The following KIN variants were observed in gnomAD, a reference collection of about 807,000 sequenced individuals.
The protein encoded by KIN is DNA/RNA-binding protein KIN17.
Under a neutral mutation model 63.0 loss-of-function variants are expected in KIN, and 47 were observed. The ratio of observed to expected loss-of-function variants is 0.75; its 90% CI spans 0.59 to 0.95. The LOEUF is 0.95. KIN is among the 40% of genes least tolerant of loss of function. The pLI is 0.00. For synonymous variants in KIN, 160 were observed against 157.7 expected, an observed-to-expected ratio of 1.01 and a Z score of -0.11; for missense variants, 408 against 460.9, an observed-to-expected ratio of 0.89 and a Z score of 1.05.
At chr10:7,784,066 G>A (rs1835950072) in intron 1 of KIN, among the ~76,000 whole-genome samples, 1 of 152,040 alleles carries the variant, frequency 6.6e-6, no homozygotes, top group African/African-American at 2.4e-5. Flanking sequence ...ATTTTTAAAA[G>A]AAACTTGGTA....
chr10:7,776,815 C>T (rs11255357), intron 5 of KIN, among the ~76,000 whole-genome samples: 7,405 of 149,718 alleles, frequency 0.049, 626 homozygotes, highest in African/African-American at 0.17. Context: ...TTTGGGAGGT[C>T]GAGCTCAGGC....
intron 7 of KIN, among the ~76,000 whole-genome samples, chr10:7,771,072 A>G (rs185875072): frequency 7.7e-4 from 117 of 152,308 alleles, no homozygotes; most frequent in Non-Finnish European, 1.9e-4. Flanking sequence ...CTCTGGTTCT[A>G]TTACTGAATG....
At chr10:7,757,226 G>A (rs190131310) in intron 12 of KIN, among the ~76,000 whole-genome samples, 25 of 152,122 alleles carry the variant, frequency 1.6e-4, no homozygotes, top group Non-Finnish European at 2.8e-4. Flanking sequence ...TGGGTCGGGC[G>A]CAGTGCTCAC....
chr10:7,762,496 G>C lies in KIN; in HGVS notation c.979C>G (p.Leu327Val). 1 of 1,612,248 alleles carries C rather than the reference G, an allele frequency of 6.2e-7. No individual in the cohort carries two copies. The highest frequency in any genetic ancestry group is 8.5e-7 in the Non-Finnish European group (1 of 1,178,820). The change falls in exon 11 of 13, where the codon CTT becomes GTT. Residue 327 changes from leucine (L) to valine (V), a missense_variant. Coordinates refer to ENST00000379562, the MANE Select transcript of KIN (RefSeq NM_012311.4). ...KMIDSGDKLK[L>V]DQTHLETVIP... ...ACTGTCTCTAAATGAGTCTGGTCAA[G>C]TTTCAGCTTGTCTCCAGAATCAATC...
At chr10:7,777,150 C>A (rs1275746357) in intron 5 of KIN, among the ~76,000 whole-genome samples, 1 of 151,380 alleles carries the variant, frequency 6.6e-6, no homozygotes, top group Non-Finnish European at 1.5e-5. Context: ...CTTTTCTATG[C>A]CAAACTGCAG....
At position 7,783,107 on chromosome 10, in the gene KIN, A is replaced by C; in HGVS notation, c.183T>G (p.Pro61=). The C allele has an allele frequency of 6.2e-7, 1 of 1,602,098 alleles. No individual in the cohort carries two copies. Among genetic ancestry groups the C allele is most frequent in the South Asian group, 1.1e-5 (1 of 89,288 alleles). ...QRQLLLASEN[P]QQFMDYFSEE... Reference sequence around the variant, plus strand: ...CTGAAAAATAATCCATAAACTGCTGAGGATTTTCTGAAGCCAGCAATAGTT... The same window carrying C: ...CTGAAAAATAATCCATAAACTGCTGCGGATTTTCTGAAGCCAGCAATAGTT... The change falls in exon 2 of 13, where the codon CCT becomes CCG. Residue 61 remains proline, a synonymous_variant. Transcript: ENST00000379562.
chr10:7,772,729 G>T (rs1453340818), intron 7 of KIN, among the ~76,000 whole-genome samples: 2 of 152,066 alleles, frequency 1.3e-5, no homozygotes, highest in Non-Finnish European at 2.9e-5. Flanking sequence ...ATGGACTCGG[G>T]TCACAACATA....
intron 8 of KIN, 132 bp downstream of exon 8, chr10:7,769,084 G>A (rs948626258): frequency 2.7e-6 from 2 of 739,954 alleles, no homozygotes; most frequent in Non-Finnish European, 4.3e-6. Flanking sequence ...TCGGGGAACT[G>A]TATGTAGCTA....
chr10:7,781,406 G>A (rs534379460), intron 2 of KIN, among the ~76,000 whole-genome samples: 11 of 152,130 alleles, frequency 7.2e-5, no homozygotes, highest in Non-Finnish European at 1.2e-4. Context: ...GAAGTACCCC[G>A]AATGTCATGC....
intron 8 of KIN, among the ~76,000 whole-genome samples, chr10:7,766,913 T>C (rs983384526): frequency 6.6e-6 from 1 of 151,776 alleles, no homozygotes; most frequent in Non-Finnish European, 1.5e-5. Flanking sequence ...TCCCAGCTAC[T>C]TGGGAGGCTG....
intron 9 of KIN, among the ~76,000 whole-genome samples, chr10:7,764,509 C>A (rs1018364627): frequency 6.6e-6 from 1 of 152,188 alleles, no homozygotes; most frequent in Non-Finnish European, 1.5e-5. Flanking sequence ...ATATTTGCTA[C>A]TTCAAGTGAA....
chr10:7,769,122 T>C, intron 8 of KIN, 94 bp downstream of exon 8: 1 of 1,230,062 alleles, frequency 8.1e-7, no homozygotes, highest in Non-Finnish European at 1.1e-6. Context: ...CCGTACATGA[T>C]AATTTTCCTA....
chr10:7,778,937 C>T lies in KIN; in HGVS notation c.459G>A (p.Leu153=), dbSNP rs139867673. The T allele has an allele frequency of 5.6e-6, 9 of 1,613,854 alleles. No homozygotes were observed. Among genetic ancestry groups the T allele is most frequent in the Non-Finnish European group, 7.6e-6 (9 of 1,180,014 alleles). ...DRDPETIRRQ[L]ELEKKKKQDL... ...CCTGCTTTTTCTTTTTCTCCAGTTCCAGTTGCCGGCGGATAGTTTCTGGGT... is the reference window on the plus strand; with the variant it reads ...CCTGCTTTTTCTTTTTCTCCAGTTCTAGTTGCCGGCGGATAGTTTCTGGGT... Residue 153 remains leucine (L), a synonymous_variant, in exon 5 of 13, where the codon CTG becomes CTA. Coordinates refer to ENST00000379562, the MANE Select transcript of KIN (RefSeq NM_012311.4).
chr10:7,774,103 G>A lies in KIN; in HGVS notation c.668+728C>T, dbSNP rs183382124. On this transcript the variant is annotated intron_variant, in intron 7 of 12. Transcript: ENST00000379562. The stretch of plus-strand genomic sequence containing the variant: ...CCATGGCTGCCTTCTCACTACAACA[G>A]CAGAGTTCAGTTATTGTGACAAAGA... 1.1e-3 allele frequency among the ~76,000 whole-genome samples: 171 copies of A among 152,266 alleles called. 1 individual carries two copies. The highest frequency in any genetic ancestry group is 4.0e-3 in the African/African-American group (167 of 41,544).
rs961983320 is a variant in KIN, at chr10:7,780,233, C to T, written c.253+31G>A. 1.9e-6 allele frequency: 3 copies of T among 1,610,184 alleles called. No homozygotes were observed. In the East Asian group the frequency reaches 6.7e-5, roughly 36 times the overall value. ...TCAGAAGATTATGCCATTTATAAAGCTGTTATTTGCACAATATTTAAAATG... is the reference window on the plus strand; with the variant it reads ...TCAGAAGATTATGCCATTTATAAAGTTGTTATTTGCACAATATTTAAAATG... On this transcript the variant is annotated intron_variant, in intron 3 of 12. Coordinates refer to ENST00000379562, the MANE Select transcript of KIN (RefSeq NM_012311.4).
chr10:7,758,078 C>T (rs1219388936), intron 12 of KIN, among the ~76,000 whole-genome samples: 2 of 134,732 alleles, frequency 1.5e-5, no homozygotes, highest in African/African-American at 2.7e-5. Flanking sequence ...GACAGATTCC[C>T]TTTTTTTTTT....
intron 9 of KIN, among the ~76,000 whole-genome samples, chr10:7,765,335 T>C (rs141365185): frequency 7.7e-4 from 117 of 151,974 alleles, no homozygotes; most frequent in Non-Finnish European, 3.2e-4. Flanking sequence ...TGGTGCATGC[T>C]TGTAGTCCTA....
chr10:7,765,405 G>A (rs12357983), intron 9 of KIN, among the ~76,000 whole-genome samples: 50,705 of 151,624 alleles, frequency 0.33, 8,750 homozygotes, highest in East Asian at 0.47. Context: ...GACCAGCCTG[G>A]TCAATAGAGC....
At chr10:7,767,639 C>T (rs1272696060) in intron 8 of KIN, among the ~76,000 whole-genome samples, 5 of 152,028 alleles carry the variant, frequency 3.3e-5, no homozygotes. Flanking sequence ...GGGTGGATCA[C>T]CTGAGGCCAG....
Sources: gnomAD v4.1 joint callset for allele counts (sites outside exome capture counted in the v4.1 genomes callset) on GRCh38, gnomAD v4.1.1 for gene constraint, MANE v1.5 for transcripts, NCBI Gene and HGNC (gene_info 2026-07-23, HGNC 2026-07-21) for gene names.